The following IQCH variants were observed in gnomAD, a reference collection of about 807,000 sequenced individuals.
IQCH encodes the protein IQ domain-containing protein H.
IQCH carries 98 observed loss-of-function variants against 117.0 expected under a neutral mutation model. The ratio of observed to expected loss-of-function variants is 0.84; its 90% CI spans 0.71 to 0.99. The LOEUF (loss-of-function observed/expected upper bound fraction) is 0.99. IQCH is among the 50% of genes least tolerant of loss of function. IQCH has a pLI of 0.00. For synonymous variants in IQCH, 412 were observed against 448.2 expected, an observed-to-expected ratio of 0.92 and a Z score of 1.02; for missense variants, 1,102 against 1,243.8, an observed-to-expected ratio of 0.89 and a Z score of 1.72.
intron 18 of IQCH, among the ~76,000 whole-genome samples, chr15:67,485,620 G>A (rs2141074966): frequency 6.6e-6 from 1 of 152,234 alleles, no homozygotes; most frequent in East Asian, 1.9e-4. Context: ...GGAACATCAT[G>A]ATTTTGCTCC....
chr15:67,257,331 AGT>A (rs1292703670), intron 1 of IQCH, among the ~76,000 whole-genome samples: 3 of 152,212 alleles, frequency 2.0e-5, no homozygotes, highest in African/African-American at 7.2e-5. Flanking sequence ...TCAGTGACTG[AGT>A]GAGTGTGTGT....
intron 4 of IQCH, among the ~76,000 whole-genome samples, chr15:67,290,139 T>C (rs929383674): frequency 4.6e-5 from 7 of 152,112 alleles, no homozygotes; most frequent in African/African-American, 1.7e-4. Context: ...TTTCATATTT[T>C]CCGTAACTTA....
At chr15:67,316,322 A>G (rs182382506) in intron 4 of IQCH, among the ~76,000 whole-genome samples, 2 of 152,352 alleles carry the variant, frequency 1.3e-5, no homozygotes, top group East Asian at 3.9e-4. Flanking sequence ...ATACTGGGTT[A>G]GTTTAACATA....
intron 16 of IQCH, among the ~76,000 whole-genome samples, chr15:67,434,768 G>GTCTTT (rs747132508): frequency 4.4e-4 from 64 of 146,210 alleles, no homozygotes; most frequent in Non-Finnish European, 8.2e-4. Context: ...CTTATCTTTT[G>GTCTTT]TCTTTTCTTT....
intron 14 of IQCH, among the ~76,000 whole-genome samples, chr15:67,409,344 A>G (rs1355677637): frequency 1.3e-5 from 2 of 152,226 alleles, no homozygotes; most frequent in African/African-American, 2.4e-5. Context: ...GAGCCTAGAA[A>G]GAAAACCACA....
chr15:67,317,524 T>A lies in IQCH; in HGVS notation c.388-19451T>A, dbSNP rs1596166887. 2.0e-5 allele frequency among the ~76,000 whole-genome samples: 3 copies of A among 152,194 alleles called. No individual in the cohort carries two copies. In the East Asian group the frequency reaches 5.8e-4, roughly 29 times the overall value. Reference sequence around the variant, plus strand: ...TGGCCAGCCCTCTTTTTGTCCATGATAATGTCTATCCAGCTCTTTTAAGGT... The same window carrying A: ...TGGCCAGCCCTCTTTTTGTCCATGAAAATGTCTATCCAGCTCTTTTAAGGT... On this transcript the variant is annotated intron_variant, in intron 4 of 20. Transcript: ENST00000335894.
rs577949898 is a variant in IQCH, at chr15:67,305,835, C to T, written c.387+26323C>T. Among the ~76,000 whole-genome samples, 19 of 152,184 alleles carry T rather than the reference C, an allele frequency of 1.2e-4. No individual in the cohort carries two copies. The East Asian group carries it at 3.5e-3, about 28-fold the overall frequency. ...AGAGATTTCAAAATTATATCCAAAA[C>T]TTGGGGCAGATTCTTAGTCATTAAT... is the stretch of plus-strand genomic sequence containing the variant. On this transcript the variant is annotated intron_variant, in intron 4 of 20. Transcript: ENST00000335894.
intron 4 of IQCH, among the ~76,000 whole-genome samples, chr15:67,306,412 G>T (rs188211033): frequency 3.3e-5 from 5 of 152,012 alleles, no homozygotes. Context: ...CACTCAAACG[G>T]GATTATTATT....
intron 16 of IQCH, among the ~76,000 whole-genome samples, chr15:67,429,278 C>T (rs1293270777): frequency 6.6e-6 from 1 of 152,166 alleles, no homozygotes; most frequent in Non-Finnish European, 1.5e-5. Context: ...CTTTGGAAAG[C>T]TGAGATGGGA....
At chr15:67,380,063 G>T (rs982357356) in intron 10 of IQCH, among the ~76,000 whole-genome samples, 4 of 152,118 alleles carry the variant, frequency 2.6e-5, no homozygotes, top group African/African-American at 9.7e-5. Context: ...TGTTGGTCAG[G>T]CTGGTCTCGA....
rs1225187572 is a variant in IQCH at position 67,254,993 on chromosome 15, C to T, written c.51+46C>T. On this transcript the variant is annotated intron_variant, in intron 1 of 20. Coordinates refer to ENST00000335894, the MANE Select transcript of IQCH (RefSeq NM_001031715.3). ...GGCCCTGCCCTGCCCAGCCGCGCCA[C>T]TTCCGAGCGAGGTCCCGCGCGCCGA... is the stretch of plus-strand genomic sequence containing the variant. The T allele has an allele frequency of 4.4e-6, 7 of 1,582,408 alleles. No individual in the cohort carries two copies. The African/African-American group carries it at 8.1e-5, about 18-fold the overall frequency.
chr15:67,365,370 G>A lies in IQCH; in HGVS notation c.753+5485G>A, dbSNP rs1404150299. On this transcript the variant is annotated intron_variant, in intron 8 of 20. Transcript: ENST00000335894. The surrounding 1 kb of genome is among the most constrained non-coding windows in gnomAD (Gnocchi z 4.4). ...TTGTATGATCATAGAACAGCTTTGTGCTGTGAACCCAGTCCAACTGGCTAT... is the reference window on the plus strand; with the variant it reads ...TTGTATGATCATAGAACAGCTTTGTACTGTGAACCCAGTCCAACTGGCTAT... 1.3e-5 allele frequency among the ~76,000 whole-genome samples: 2 copies of A among 152,186 alleles called. No homozygotes were observed. Among genetic ancestry groups the A allele is most frequent in the Non-Finnish European group, 2.9e-5 (2 of 68,036 alleles).
chr15:67,315,027 G>T (rs568796359), intron 4 of IQCH, among the ~76,000 whole-genome samples: 1 of 152,146 alleles, frequency 6.6e-6, no homozygotes, highest in Non-Finnish European at 1.5e-5. Flanking sequence ...TGAAGCCCAA[G>T]ATCTAACCCT....
Position 67,433,624 on chromosome 15 carries a change from C to T in IQCH, c.2505+12047C>T, listed in dbSNP as rs1283067012. ...CAAATGAAACCAAGACACCTCTCTG[C>T]ACTTAGGGATCTTTAACTTGAATCA... On this transcript the variant is annotated intron_variant, in intron 16 of 20. Coordinates refer to ENST00000335894, the MANE Select transcript of IQCH (RefSeq NM_001031715.3). The surrounding 1 kb of genome is among the most constrained non-coding windows in gnomAD (Gnocchi z 5.4). 6.6e-6 allele frequency among the ~76,000 whole-genome samples: 1 copy of T among 152,192 alleles called. No individual in the cohort carries two copies. Among genetic ancestry groups the T allele is most frequent in the Non-Finnish European group, 1.5e-5 (1 of 68,044 alleles).
At chr15:67,284,486 G>C (rs1966484344) in intron 4 of IQCH, among the ~76,000 whole-genome samples, 1 of 152,000 alleles carries the variant, frequency 6.6e-6, no homozygotes, top group Non-Finnish European at 1.5e-5. Context: ...TTAAGTTCAG[G>C]GGTACATGTG....
rs2081923196 is a variant in IQCH at position 67,427,609 on chromosome 15, T to C, written c.2505+6032T>C. On this transcript the variant is annotated intron_variant, in intron 16 of 20. Transcript: ENST00000335894. The surrounding 1 kb of genome is among the most constrained non-coding windows in gnomAD (Gnocchi z 4.7). ...GCTATAAAATGAGGAGGTTAGCTTA[T>C]TTTGCATCTGAGGTAACCTACAGTT... 6.6e-6 allele frequency among the ~76,000 whole-genome samples: 1 copy of C among 152,194 alleles called. No individual in the cohort carries two copies. The highest frequency in any genetic ancestry group is 1.5e-5 in the Non-Finnish European group (1 of 68,040).
intron 16 of IQCH, among the ~76,000 whole-genome samples, chr15:67,429,651 A>G (rs1326322709): frequency 6.6e-6 from 1 of 152,272 alleles, no homozygotes; most frequent in East Asian, 1.9e-4. Flanking sequence ...ACATACACAC[A>G]GGTCTTACAA....
chr15:67,347,816 TATATATTTATATATAGATATATAGATA>T (rs1969468979), intron 6 of IQCH, among the ~76,000 whole-genome samples: 1 of 138,686 alleles, frequency 7.2e-6, no homozygotes, highest in Non-Finnish European at 1.6e-5. Flanking sequence ...TATATATAGA[TATATATTTATATATAGATATATAGATA>T]TTTTTATATA....
chr15:67,496,668 G>A lies in IQCH; in HGVS notation c.2970+2302G>A, dbSNP rs1392920616. Among the ~76,000 whole-genome samples the A allele has an allele frequency of 1.3e-5, 2 of 152,046 alleles. No individual in the cohort carries two copies. Among genetic ancestry groups the A allele is most frequent in the South Asian group, 4.1e-4 (2 of 4,832 alleles). ...GAGACCAGCCTGGGCAACATAGCAA[G>A]ACCTCATCTCTACTAAGAAGAAGAA... On this transcript the variant is annotated intron_variant, in intron 20 of 20. Coordinates refer to ENST00000335894, the MANE Select transcript of IQCH (RefSeq NM_001031715.3). The surrounding 1 kb of genome is among the most constrained non-coding windows in gnomAD (Gnocchi z 4.4).
Sources: gnomAD v4.1 joint callset for allele counts (sites outside exome capture counted in the v4.1 genomes callset) on GRCh38, gnomAD v4.1.1 for gene constraint, Gnocchi (gnomAD v3.1) non-coding constraint, MANE v1.5 for transcripts, NCBI Gene and HGNC (gene_info 2026-07-23, HGNC 2026-07-21) for gene names.